KIF6: variants seen among roughly 807,000 people sequenced by gnomAD.
The protein encoded by KIF6 is kinesin family member 6.
In KIF6, 106 loss-of-function variants were observed where a neutral mutation model predicts 112.7. That is an observed-to-expected ratio of 0.94 (90% CI 0.80 to 1.11). The LOEUF is 1.11. KIF6 is among the 50% of genes least tolerant of loss of function. The pLI is 0.00. For synonymous variants in KIF6, 339 were observed against 339.9 expected (o/e 1.00, Z 0.03); for missense variants, 929 against 964.0 (o/e 0.96, Z 0.48).
chr6:39,680,250 C>T (rs1341692288), intron 3 of KIF6, among the ~76,000 whole-genome samples: 2 of 152,142 alleles, frequency 1.3e-5, no homozygotes, highest in South Asian at 2.1e-4. Flanking sequence ...TCAAGTGACC[C>T]GCCCACCTCA....
At chr6:39,566,082 A>C (rs1295870488) in intron 10 of KIF6, among the ~76,000 whole-genome samples, 3 of 152,262 alleles carry the variant, frequency 2.0e-5, no homozygotes, top group South Asian at 2.1e-4. Flanking sequence ...TTGCAAAATC[A>C]TCTAGGGGAA....
intron 6 of KIF6, among the ~76,000 whole-genome samples, chr6:39,602,912 A>G (rs1299308438): frequency 1.3e-5 from 2 of 152,166 alleles, no homozygotes; most frequent in Admixed American, 6.6e-5. Flanking sequence ...ACTATCCCCA[A>G]TTGGCATTAG....
chr6:39,419,574 C>G (rs1770198369), intron 15 of KIF6, among the ~76,000 whole-genome samples: 1 of 152,060 alleles, frequency 6.6e-6, no homozygotes, highest in South Asian at 2.1e-4. Flanking sequence ...TAAGCAGAAG[C>G]TTTGGGAGGT....
intron 10 of KIF6, among the ~76,000 whole-genome samples, chr6:39,569,441 C>T (rs999494778): frequency 5.3e-5 from 8 of 152,232 alleles, no homozygotes; most frequent in South Asian, 2.1e-4. Context: ...TTCTGTCTTA[C>T]GCTTTTTGGA....
At chr6:39,597,650 T>C (rs1232175206) in intron 6 of KIF6, among the ~76,000 whole-genome samples, 1 of 152,148 alleles carries the variant, frequency 6.6e-6, no homozygotes, top group Non-Finnish European at 1.5e-5. Flanking sequence ...AAGTGTGAAA[T>C]AACACAACTT....
chr6:39,692,362 G>GA (rs1788264055), intron 3 of KIF6, among the ~76,000 whole-genome samples: 1 of 152,100 alleles, frequency 6.6e-6, no homozygotes, highest in Non-Finnish European at 1.5e-5. Flanking sequence ...TAAAACTAAA[G>GA]AAAATCAGCT....
At chr6:39,450,915 C>T (rs1472324164) in intron 13 of KIF6, among the ~76,000 whole-genome samples, 3 of 152,178 alleles carry the variant, frequency 2.0e-5, no homozygotes, top group African/African-American at 7.2e-5. Flanking sequence ...ACTATATATA[C>T]AATTTTGTAG....
chr6:39,531,792 C>G (rs905524783), intron 13 of KIF6, among the ~76,000 whole-genome samples: 3 of 152,140 alleles, frequency 2.0e-5, no homozygotes, highest in Admixed American at 2.0e-4. Context: ...TCTGATGCCC[C>G]TGCCTCTCTC....
At chr6:39,546,105 AG>A (rs1779058443) in intron 10 of KIF6, among the ~76,000 whole-genome samples, 1 of 152,162 alleles carries the variant, frequency 6.6e-6, no homozygotes, top group Admixed American at 6.5e-5. Flanking sequence ...TAATCATTCC[AG>A]GTGATCTTCT....
chr6:39,630,264 T>C (rs1784290107), intron 5 of KIF6, among the ~76,000 whole-genome samples: 1 of 152,106 alleles, frequency 6.6e-6, no homozygotes, highest in South Asian at 2.1e-4. Flanking sequence ...ATACTTTATC[T>C]ACAAATCAAG....
In KIF6 at chr6:39,334,813, T is replaced by C. The variant is rs1385836760; in HGVS notation, c.*1719A>G. 1 of 152,098 alleles carries C rather than the reference T, an allele frequency of 6.6e-6. No homozygotes were observed. Among genetic ancestry groups the C allele is most frequent in the African/African-American group, 2.4e-5 (1 of 41,386 alleles). 9.4% of individuals were successfully genotyped at this position (152,098 alleles called of 1,614,324 possible). A position where few individuals can be genotyped will look rare whatever the true frequency, so the allele number is the denominator to read the frequency against. On this transcript the variant is annotated 3_prime_UTR_variant, in exon 23 of 23. Coordinates refer to ENST00000287152, the MANE Select transcript of KIF6 (RefSeq NM_145027.6). The stretch of plus-strand genomic sequence containing the variant: ...GTGTGTGTGTGCAGTTACATGTGTG[T>C]TCCATGGACTCTTGGGGAGGCTTCT...
intron 13 of KIF6, among the ~76,000 whole-genome samples, chr6:39,479,641 G>T (rs1459156910): frequency 3.3e-5 from 5 of 152,012 alleles, no homozygotes; most frequent in Non-Finnish European, 7.4e-5. Context: ...AAGAATGATG[G>T]TGGTATTTGG....
chr6:39,683,098 G>A (rs1230001247), intron 3 of KIF6, among the ~76,000 whole-genome samples: 1 of 152,232 alleles, frequency 6.6e-6, no homozygotes, highest in Admixed American at 6.5e-5. Flanking sequence ...GAGGCCAGAT[G>A]GCAGGGTTTT....
At chr6:39,364,601 G>GT (rs1463168826) in intron 16 of KIF6, among the ~76,000 whole-genome samples, 1 of 152,138 alleles carries the variant, frequency 6.6e-6, no homozygotes, top group Non-Finnish European at 1.5e-5. Context: ...CTATATTTTT[G>GT]TAGTAGGTGA....
Position 39,346,474 on chromosome 6 carries a change from A to G in KIF6, c.2231+2T>C, listed in dbSNP as rs1328780013. ...TCTATGAACCGGGAAGGGGGTCCTC[A>G]CCAGACATCGAATCTGCCAGTGCCT... On this transcript the variant is annotated splice_donor_variant, in intron 20 of 22. Transcript: ENST00000287152. LOFTEE classifies it high-confidence loss of function. The G allele has an allele frequency of 7.0e-6, 5 of 716,348 alleles. No individual in the cohort carries two copies. The highest frequency in any genetic ancestry group is 1.7e-5 in the African/African-American group (1 of 57,168). The allele number at this position is 716,348 out of a possible 1,614,324, so 44.4% of individuals were successfully genotyped here.
intron 13 of KIF6, among the ~76,000 whole-genome samples, chr6:39,481,228 G>C (rs1774777501): frequency 6.6e-6 from 1 of 152,160 alleles, no homozygotes; most frequent in African/African-American, 2.4e-5. Context: ...AGGAAATAAT[G>C]AATGTGTTCA....
chr6:39,365,687 A>G (rs1268281800), intron 16 of KIF6, among the ~76,000 whole-genome samples: 2 of 152,170 alleles, frequency 1.3e-5, no homozygotes, highest in African/African-American at 2.4e-5. Flanking sequence ...AAAAAGTAAC[A>G]CTGTGAATTT....
intron 3 of KIF6, among the ~76,000 whole-genome samples, chr6:39,709,424 G>A (rs1244193712): frequency 1.3e-5 from 2 of 152,206 alleles, no homozygotes; most frequent in Non-Finnish European, 1.5e-5. Context: ...GTGCTCCTAT[G>A]AGGATCTAAT....
At chr6:39,352,154 G>C (rs907018703) in intron 19 of KIF6, among the ~76,000 whole-genome samples, 5 of 152,186 alleles carry the variant, frequency 3.3e-5, no homozygotes, top group African/African-American at 1.2e-4. Context: ...ACAGAAAATT[G>C]AGCAGATAGT....
Sources: allele counts gnomAD v4.1 joint callset (sites outside exome capture counted in the v4.1 genomes callset), GRCh38; gene constraint gnomAD v4.1.1; transcripts MANE v1.5; gene names NCBI Gene and HGNC (gene_info 2026-07-23, HGNC 2026-07-21).